The following SEMA3F variants were observed in gnomAD, a reference collection of about 807,000 sequenced individuals.
The protein encoded by SEMA3F is semaphorin-3F.
SEMA3F carries 30 observed loss-of-function variants against 98.5 expected under a neutral mutation model. The observed-to-expected ratio is 0.30, with a 90% confidence interval of 0.23 to 0.41. The LOEUF is 0.41. Ranked by LOEUF, SEMA3F falls within the 10% of genes least tolerant of loss-of-function variation. The pLI is 1.00. For synonymous variants in SEMA3F, 380 were observed against 444.8 expected, an observed-to-expected ratio of 0.85 and a Z score of 1.83; for missense variants, 866 against 1,119.3, an observed-to-expected ratio of 0.77 and a Z score of 3.23.
At chr3:50,184,468 G>C (rs1156667198) in intron 12 of SEMA3F, 124 bp from the exon 13 acceptor site, 5 of 709,356 alleles carry the variant, frequency 7.0e-6, no homozygotes, top group Non-Finnish European at 1.2e-5. Context: ...TTGGAGAGCG[G>C]GTTTGGGGAG....
Position 50,172,339 on chromosome 3 carries a change from T to TGA in SEMA3F, c.113-1454_113-1453insGA, listed in dbSNP as rs1276426422. Reference sequence around the variant, plus strand: ...TCATCCTCATTACAGTGTTCCCTCTTTTGCTGAGCTAAAGATAGCTGGGGG... The same window carrying TGA: ...TCATCCTCATTACAGTGTTCCCTCTTGATTGCTGAGCTAAAGATAGCTGGGGG... On this transcript the variant is annotated intron_variant, in intron 2 of 18. Transcript: ENST00000002829. 2.0e-5 allele frequency among the ~76,000 whole-genome samples: 3 copies of TGA among 152,198 alleles called. No individual in the cohort carries two copies. The East Asian group carries it at 5.8e-4, about 29-fold the overall frequency.
At position 50,155,478 on chromosome 3, in the gene SEMA3F, G is replaced by A. The variant is rs1464425916; in HGVS notation, c.-135G>A. ...GTCGCGGGCAGGGCCATGGCCCCGG[G>A]GGGCCGCTAGCGCGGACCGGCCCAA... On this transcript the variant is annotated 5_prime_UTR_variant, in exon 1 of 19. Transcript: ENST00000002829. This position sits in a 1 kb window ranked among gnomAD's most constrained non-coding sequence, Gnocchi z 4.9. The A allele has an allele frequency of 6.4e-6, 2 of 312,832 alleles. No individual in the cohort carries two copies. Among genetic ancestry groups the A allele is most frequent in the Non-Finnish European group, 1.2e-5 (2 of 171,960 alleles). 19.4% of individuals were successfully genotyped at this position (312,832 alleles called of 1,614,324 possible). A position where few individuals can be genotyped will look rare whatever the true frequency, so the allele number is the denominator to read the frequency against.
intron 7 of SEMA3F, among the ~76,000 whole-genome samples, chr3:50,177,377 C>T (rs936040685): frequency 5.3e-5 from 8 of 152,122 alleles, no homozygotes; most frequent in African/African-American, 1.2e-4. Context: ...GGGGTCCTGC[C>T]GGGGTCTCAG....
intron 6 of SEMA3F, 44 bp from the exon 7 acceptor site, chr3:50,176,723 TG>T (rs1352328064): frequency 7.0e-7 from 1 of 1,423,742 alleles, no homozygotes. Flanking sequence ...ACTTCCTGGC[TG>T]GGGGACTGGC....
intron 6 of SEMA3F, among the ~76,000 whole-genome samples, chr3:50,176,224 C>T (rs1698804214): frequency 6.6e-6 from 1 of 152,124 alleles, no homozygotes; most frequent in Admixed American, 6.5e-5. Context: ...GCCCATTGGT[C>T]CATCCTGAGG....
At position 50,185,985 on chromosome 3, in the gene SEMA3F, C is replaced by T; in HGVS notation, c.1684C>T (p.Arg562Trp). ...TGCCTGTGCTGACTGCTGCCTTGCCCGGGACCCTTACTGTGCCTGGGATGG... is the reference window on the plus strand; with the variant it reads ...TGCCTGTGCTGACTGCTGCCTTGCCTGGGACCCTTACTGTGCCTGGGATGG... ...GAACADCCLA[R>W]DPYCAWDGQA... The change falls in exon 16 of 19, where the codon CGG becomes TGG. Residue 562 changes from arginine to tryptophan, a missense_variant. Physicochemically the swap from Arg to Trp is moderately radical, Grantham distance 101 (BLOSUM62 -3). Transcript: ENST00000002829. 1 of 1,614,090 alleles carries T rather than the reference C, an allele frequency of 6.2e-7. No homozygotes were observed. The highest frequency in any genetic ancestry group is 8.5e-7 in the Non-Finnish European group (1 of 1,179,990).
chr3:50,165,081 A>C (rs1283871179), intron 2 of SEMA3F, among the ~76,000 whole-genome samples: 2 of 152,060 alleles, frequency 1.3e-5, no homozygotes, highest in Non-Finnish European at 2.9e-5. Flanking sequence ...TCCAGGAAGG[A>C]CCCTGAGTCC....
chr3:50,182,658 C>T lies in SEMA3F; in HGVS notation c.778C>T (p.His260Tyr), dbSNP rs769790519. The T allele has an allele frequency of 6.2e-7, 1 of 1,613,170 alleles. No individual in the cohort carries two copies. The highest frequency in any genetic ancestry group is 1.7e-5 in the Admixed American group (1 of 60,018). Residue 260 changes from histidine to tyrosine, a missense_variant, in exon 9 of 19, where the codon CAT becomes TAT. Physicochemically the swap from His to Tyr is moderately conservative, Grantham distance 83. Transcript: ENST00000002829. The surrounding 1 kb of genome is among the most constrained non-coding windows in gnomAD (Gnocchi z 4.5). Reference sequence around the variant, plus strand: ...GCCACCTGCAGACCCGTCGTTCATCCATGCTGAGCTCATTCCTGACAGTGC... The same window carrying T: ...GCCACCTGCAGACCCGTCGTTCATCTATGCTGAGCTCATTCCTGACAGTGC... ...SRWLNDPSFI[H>Y]AELIPDSAER...
intron 1 of SEMA3F, among the ~76,000 whole-genome samples, chr3:50,157,577 C>T (rs949813656): frequency 2.0e-5 from 3 of 152,114 alleles, no homozygotes; most frequent in African/African-American, 7.2e-5. Context: ...CCTTTCTTTC[C>T]CTCTCTGTCC....
intron 16 of SEMA3F, 74 bp from the exon 17 acceptor site, chr3:50,186,207 G>A: frequency 6.6e-7 from 1 of 1,525,448 alleles, no homozygotes; most frequent in African/African-American, 1.4e-5. Flanking sequence ...GCCCTGCCCT[G>A]GAGTCAGGGA....
intron 2 of SEMA3F, among the ~76,000 whole-genome samples, chr3:50,169,946 C>A (rs924180510): frequency 3.0e-4 from 46 of 152,202 alleles, no homozygotes; most frequent in African/African-American, 1.1e-3. Context: ...TGCTCTGACT[C>A]AGGCTGCTTG....
chr3:50,182,858 T>TG lies in SEMA3F; in HGVS notation c.904-42dup. The TG allele has an allele frequency of 6.2e-7, 1 of 1,610,186 alleles. No individual in the cohort carries two copies. The highest frequency in any genetic ancestry group is 8.5e-7 in the Non-Finnish European group (1 of 1,177,244). On this transcript the variant is annotated intron_variant, in intron 9 of 18. Coordinates refer to ENST00000002829, the MANE Select transcript of SEMA3F (RefSeq NM_004186.5). The surrounding 1 kb of genome is among the most constrained non-coding windows in gnomAD (Gnocchi z 4.5). ...CATCAGCCCTGCTCCAGCCAGGGCT[T>TG]GGGGTCAAGAGCTGATCTGACCCGG...
chr3:50,168,846 C>T (rs1476198859), intron 2 of SEMA3F, among the ~76,000 whole-genome samples: 1 of 152,200 alleles, frequency 6.6e-6, no homozygotes. Context: ...CTCAGAAGGT[C>T]AGGAGGTCTG....
At position 50,173,948 on chromosome 3, in the gene SEMA3F, C is replaced by G; in HGVS notation, c.268C>G (p.Leu90Val). ...CCTGCACGACATCAACCGCGAGCCC[C>G]TCATTGTAAGGGCTGGCCCTGATGT... ...LDLHDINREP[L>V]IIHWAASPQR... The change falls in exon 3 of 19, where the codon CTC (leucine) becomes GTC (valine). Residue 90 changes from leucine (L) to valine (V), a missense_variant. This residue lies in a region of SEMA3F where 247 missense variants were observed against 276.0 expected (regional missense o/e 0.89). Coordinates refer to ENST00000002829, the MANE Select transcript of SEMA3F (RefSeq NM_004186.5). 6.2e-7 allele frequency: 1 copy of G among 1,614,122 alleles called. No individual in the cohort carries two copies. The highest frequency in any genetic ancestry group is 8.5e-7 in the Non-Finnish European group (1 of 1,180,026).
chr3:50,187,330 G>A (rs556270346), intron 18 of SEMA3F, among the ~76,000 whole-genome samples: 49 of 151,956 alleles, frequency 3.2e-4, no homozygotes, highest in Non-Finnish European at 6.2e-4. Flanking sequence ...GGCTAAGGTG[G>A]GAGGATGGCT....
rs751677411 is a variant in SEMA3F at position 50,185,439 on chromosome 3, C to T, written c.1457-4C>T. ...CCACTGAGGCCCTGCCCGGCCCGTT[C>T]CAGACCGCGGGACAGTGCAGAAGGT... On this transcript the variant is annotated splice_region_variant and splice_polypyrimidine_tract_variant and intron_variant, in intron 13 of 18. Coordinates refer to ENST00000002829, the MANE Select transcript of SEMA3F (RefSeq NM_004186.5). 6.2e-7 allele frequency: 1 copy of T among 1,611,216 alleles called. No homozygotes were observed. The highest frequency in any genetic ancestry group is 8.5e-7 in the Non-Finnish European group (1 of 1,178,726).
At position 50,186,264 on chromosome 3, in the gene SEMA3F, G is replaced by A. The variant is rs1699207156; in HGVS notation, c.1746-17G>A. ...AAGCTTCCTGGGAGCACTCCTTCAG[G>A]GGCTATCCTCATCCAGGCGGAGCCG... On this transcript the variant is annotated splice_polypyrimidine_tract_variant and intron_variant, in intron 16 of 18. Transcript: ENST00000002829. The A allele has an allele frequency of 6.2e-7, 1 of 1,612,872 alleles. No individual in the cohort carries two copies. Among genetic ancestry groups the A allele is most frequent in the East Asian group, 2.2e-5 (1 of 44,862 alleles).
Position 50,186,017 on chromosome 3 carries a change from C to G in SEMA3F, c.1716C>G (p.Ala572=). The change falls in exon 16 of 19, where the codon GCC becomes GCG. Residue 572 remains alanine, a synonymous_variant. Transcript: ENST00000002829. ...CTTACTGTGCCTGGGATGGCCAGGCCTGCTCCCGCTATACAGCATCCTCCA... is the reference window on the plus strand; with the variant it reads ...CTTACTGTGCCTGGGATGGCCAGGCGTGCTCCCGCTATACAGCATCCTCCA... ...RDPYCAWDGQ[A]CSRYTASSKR... is the part of the protein sequence containing the mutation. The G allele has an allele frequency of 6.2e-7, 1 of 1,613,702 alleles. No individual in the cohort carries two copies. The highest frequency in any genetic ancestry group is 8.5e-7 in the Non-Finnish European group (1 of 1,179,764).
In SEMA3F at chr3:50,188,200, A is replaced by ATATATAT; in HGVS notation, c.*85_*86insTATATAT. On this transcript the variant is annotated 3_prime_UTR_variant, in exon 19 of 19. Coordinates refer to ENST00000002829, the MANE Select transcript of SEMA3F (RefSeq NM_004186.5). The surrounding 1 kb of genome is among the most constrained non-coding windows in gnomAD (Gnocchi z 4.5). ...ATATATATATATATATATATATATA[A>ATATATAT]AATATCTATATTCTATACACACCCT... The ATATATAT allele has an allele frequency of 3.0e-6, 1 of 338,224 alleles. No homozygotes were observed. The allele number at this position is 338,224 out of a possible 1,614,324, so 21.0% of individuals were successfully genotyped here.
Sources: allele counts gnomAD v4.1 joint callset (sites outside exome capture counted in the v4.1 genomes callset), GRCh38; gene constraint gnomAD v4.1.1; regional missense constraint gnomAD v4.1.1; non-coding constraint Gnocchi (gnomAD v3.1); transcripts MANE v1.5; gene names NCBI Gene and HGNC (gene_info 2026-07-23, HGNC 2026-07-21).